GPR89B: variants seen among roughly 807,000 people sequenced by gnomAD.
GPR89B encodes golgi pH regulator B.
In GPR89B, 25 loss-of-function variants were observed where a neutral mutation model predicts 52.4. The observed-to-expected ratio is 0.48, with a 90% CI of 0.35 to 0.67. GPR89B has a LOEUF of 0.67. Among genes scored for constraint, GPR89B ranks in the 30% least tolerant of loss-of-function variants. GPR89B has a pLI of 0.01. For synonymous variants in GPR89B, 52 were observed against 151.2 expected (o/e 0.34, Z 4.81); for missense variants, 146 against 450.2 (o/e 0.32, Z 6.11).
intron 7 of GPR89B, among the ~76,000 whole-genome samples, chr1:147,961,675 A>G (rs1388429874): frequency 6.6e-6 from 1 of 152,166 alleles, no homozygotes; most frequent in Non-Finnish European, 1.5e-5. Context: ...TTGTCTTTCT[A>G]TAAGCTAGCA....
chr1:147,976,180 G>A (rs1193388241), intron 10 of GPR89B, among the ~76,000 whole-genome samples: 1 of 151,976 alleles, frequency 6.6e-6, no homozygotes, highest in Non-Finnish European at 1.5e-5. Context: ...ACTTGATCCA[G>A]AGCTGAGTTC....
intron 7 of GPR89B, among the ~76,000 whole-genome samples, chr1:147,958,994 A>T (rs1202869136): frequency 6.6e-6 from 1 of 151,852 alleles, no homozygotes; most frequent in Non-Finnish European, 1.5e-5. Context: ...TTTGTTGTTT[A>T]CAAGTGGTTT....
intron 10 of GPR89B, among the ~76,000 whole-genome samples, chr1:147,982,342 G>C (rs1305584957): frequency 1.3e-5 from 2 of 151,608 alleles, no homozygotes; most frequent in Non-Finnish European, 2.9e-5. Flanking sequence ...TTACAGGCAT[G>C]AGCCACTGCG....
the GPR89B span, among the ~76,000 whole-genome samples, chr1:148,021,456 C>A: frequency 6.6e-6 from 1 of 151,826 alleles, no homozygotes; most frequent in Non-Finnish European, 1.5e-5. Context: ...GAGCCGAGAT[C>A]GCGCCATTGC....
chr1:147,976,100 A>G (rs1207356415), intron 10 of GPR89B, among the ~76,000 whole-genome samples: 7 of 152,246 alleles, frequency 4.6e-5, no homozygotes, highest in African/African-American at 1.4e-4. Flanking sequence ...AGTATGTGCC[A>G]TGTGGCACCA....
chr1:147,978,769 A>G (rs1373775864), intron 10 of GPR89B, among the ~76,000 whole-genome samples: 1 of 151,844 alleles, frequency 6.6e-6, no homozygotes, highest in Non-Finnish European at 1.5e-5. Context: ...TGCCACTACC[A>G]CTGTGCTGTG....
chr1:147,964,006 G>A (rs1279423783), intron 7 of GPR89B, among the ~76,000 whole-genome samples: 1 of 151,972 alleles, frequency 6.6e-6, no homozygotes, highest in Non-Finnish European at 1.5e-5. Context: ...GAACAGATTC[G>A]TGGTTGCCGG....
chr1:147,937,748 G>T (rs1414050883), intron 2 of GPR89B, among the ~76,000 whole-genome samples: 1 of 152,130 alleles, frequency 6.6e-6, no homozygotes, highest in Non-Finnish European at 1.5e-5. Context: ...CTGTTATTCT[G>T]TTCTTTTTCA....
intron 5 of GPR89B, among the ~76,000 whole-genome samples, chr1:147,952,389 T>C (rs1459202192): frequency 1.3e-5 from 2 of 150,992 alleles, no homozygotes; most frequent in African/African-American, 4.9e-5. Context: ...AAGCCTGGAG[T>C]CCAAGCTAGG....
intron 7 of GPR89B, among the ~76,000 whole-genome samples, chr1:147,962,345 A>C (rs1656642946): frequency 6.6e-6 from 1 of 151,402 alleles, no homozygotes; most frequent in Non-Finnish European, 1.5e-5. Context: ...AATTGCTTGA[A>C]TCCAGGAGGC....
downstream of GPR89B, chr1:147,995,637 C>T: frequency 1.9e-6 from 3 of 1,609,092 alleles, no homozygotes; most frequent in Non-Finnish European, 2.5e-6. Context: ...GACTCCACCA[C>T]TATTCCTTCT....
intron 2 of GPR89B, among the ~76,000 whole-genome samples, chr1:147,938,136 G>A (rs1284515191): frequency 1.3e-5 from 2 of 152,062 alleles, no homozygotes; most frequent in Non-Finnish European, 2.9e-5. Context: ...TTTATCTTAA[G>A]CTTTGGATTC....
At chr1:147,997,566 C>T (rs1485289589), downstream of GPR89B, among the ~76,000 whole-genome samples, 8 of 152,160 alleles carry the variant, frequency 5.3e-5, no homozygotes, top group South Asian at 6.2e-4. Context: ...CAGATTTGGA[C>T]GGAGCCACAC....
intron 7 of GPR89B, among the ~76,000 whole-genome samples, chr1:147,962,182 G>C (rs1291369937): frequency 6.6e-6 from 1 of 151,626 alleles, no homozygotes; most frequent in Non-Finnish European, 1.5e-5. Context: ...CCAGCACTTT[G>C]GGAGGCTGAG....
chr1:147,979,463 A>T (rs1412835793), intron 10 of GPR89B, among the ~76,000 whole-genome samples: 2 of 152,056 alleles, frequency 1.3e-5, no homozygotes, highest in African/African-American at 2.4e-5. Context: ...TCCTATTGTT[A>T]TTCCTGCTCT....
chr1:147,939,643 T>G (rs1654376994), intron 3 of GPR89B, among the ~76,000 whole-genome samples: 1 of 151,856 alleles, frequency 6.6e-6, no homozygotes, highest in African/African-American at 2.4e-5. Context: ...AAAACGAAAT[T>G]TAAATTAAAA....
chr1:148,006,590 T>G, the GPR89B span, among the ~76,000 whole-genome samples: 1 of 152,102 alleles, frequency 6.6e-6, no homozygotes, highest in Admixed American at 6.6e-5. Flanking sequence ...ACGATAGAGT[T>G]TAACTTATAA....
At chr1:147,983,955 C>G (rs1474035000) in intron 10 of GPR89B, among the ~76,000 whole-genome samples, 5 of 151,386 alleles carry the variant, frequency 3.3e-5, no homozygotes, top group Non-Finnish European at 7.4e-5. Flanking sequence ...AGACTGGATT[C>G]AGAAAATGTG....
chr1:147,945,405 A>G (rs1571239513), intron 5 of GPR89B, among the ~76,000 whole-genome samples: 1 of 151,924 alleles, frequency 6.6e-6, no homozygotes, highest in Non-Finnish European at 1.5e-5. Flanking sequence ...AGAATCTGCC[A>G]TACCTCCCAC....
Sources: gnomAD v4.1 joint callset for allele counts (sites outside exome capture counted in the v4.1 genomes callset) on GRCh38, gnomAD v4.1.1 for gene constraint, MANE v1.5 for transcripts, NCBI Gene and HGNC (gene_info 2026-07-23, HGNC 2026-07-21) for gene names.